The following GHR variants were observed in gnomAD, a reference collection of about 807,000 sequenced individuals.
The protein encoded by GHR is GH receptor.
GHR carries 35 observed loss-of-function variants against 67.1 expected under a neutral mutation model. That is an observed-to-expected ratio of 0.52 (90% confidence interval 0.40 to 0.69). GHR has a LOEUF of 0.69. Among genes scored for constraint, GHR ranks in the 30% least tolerant of loss-of-function variants. The pLI, the probability that GHR is intolerant of heterozygous loss-of-function variation, is 0.00. For synonymous variants in GHR, 272 were observed against 269.1 expected (o/e 1.01, Z -0.10); for missense variants, 792 against 764.6 (o/e 1.04, Z -0.42).
At chr5:42,541,664 G>A (rs1561108397) in intron 1 of GHR, among the ~76,000 whole-genome samples, 1 of 152,150 alleles carries the variant, frequency 6.6e-6, no homozygotes, top group African/African-American at 2.4e-5. Context: ...TTAAGAAACT[G>A]TTATAATAAT....
intron 2 of GHR, among the ~76,000 whole-genome samples, chr5:42,579,604 A>G (rs745476770): frequency 6.6e-6 from 1 of 152,228 alleles, no homozygotes; most frequent in East Asian, 1.9e-4. Context: ...CCATGAATGC[A>G]TGGTCATATT....
intron 2 of GHR, among the ~76,000 whole-genome samples, chr5:42,596,304 T>A (rs1304321528): frequency 6.0e-5 from 9 of 149,718 alleles, no homozygotes; most frequent in African/African-American, 2.2e-4. Flanking sequence ...CCAAAGGAGA[T>A]GGAAAAAAAA....
intron 2 of GHR, among the ~76,000 whole-genome samples, chr5:42,582,704 G>A (rs1223196198): frequency 1.3e-5 from 2 of 152,222 alleles, no homozygotes; most frequent in Admixed American, 6.5e-5. Context: ...GCCCAGACCT[G>A]TGTGACACCC....
Position 42,719,499 on chromosome 5 carries a change from C to A in GHR, c.*75C>A. The A allele has an allele frequency of 7.0e-7, 1 of 1,437,784 alleles. No individual in the cohort carries two copies. The highest frequency in any genetic ancestry group is 9.7e-7 in the Non-Finnish European group (1 of 1,031,472). 89.1% of individuals were successfully genotyped at this position (1,437,784 alleles called of 1,614,324 possible). A position where few individuals can be genotyped will look rare whatever the true frequency, so the allele number is the denominator to read the frequency against. ...TGGGGCAATAACGTTTAAGCCAAAA[C>A]AATGTTTAAACCTTTTTTGGGGGAG... On this transcript the variant is annotated 3_prime_UTR_variant, in exon 10 of 10. Coordinates refer to ENST00000230882, the MANE Select transcript of GHR (RefSeq NM_000163.5).
At chr5:42,685,334 A>G (rs1757086610) in intron 3 of GHR, among the ~76,000 whole-genome samples, 1 of 152,170 alleles carries the variant, frequency 6.6e-6, no homozygotes, top group African/African-American at 2.4e-5. Flanking sequence ...TTCTTTAACC[A>G]GTCTATCACT....
chr5:42,716,396 T>C (rs137873029), intron 8 of GHR, among the ~76,000 whole-genome samples: 1 of 152,308 alleles, frequency 6.6e-6, no homozygotes, highest in Non-Finnish European at 1.5e-5. Context: ...ACTTATTTCA[T>C]AGAGTTAGAG....
intron 3 of GHR, among the ~76,000 whole-genome samples, chr5:42,629,898 TG>T (rs1419316007): frequency 7.6e-6 from 1 of 132,168 alleles, no homozygotes; most frequent in African/African-American, 3.2e-5. Context: ...CCAACCAAAT[TG>T]CCTTAAGCTT....
rs186053420 is a variant in GHR, at chr5:42,482,669, G to A, written c.-12+58714G>A. Among the ~76,000 whole-genome samples the A allele has an allele frequency of 4.7e-3, 710 of 152,292 alleles. 6 individuals carry two copies. The highest frequency in any genetic ancestry group is 0.013 in the African/African-American group (526 of 41,586). On this transcript the variant is annotated intron_variant, in intron 1 of 9. Transcript: ENST00000230882. ...AATGAGCGAGACTCCATGGGCATAGGACCCTCCGAGCCAGGTGCGGGATAT... is the reference window on the plus strand; with the variant it reads ...AATGAGCGAGACTCCATGGGCATAGAACCCTCCGAGCCAGGTGCGGGATAT...
chr5:42,614,107 C>A (rs1753020163), intron 2 of GHR, among the ~76,000 whole-genome samples: 1 of 152,250 alleles, frequency 6.6e-6, no homozygotes, highest in African/African-American at 2.4e-5. Flanking sequence ...CCTCCATACA[C>A]AATTTAGTAA....
chr5:42,483,783 G>A (rs887512551), intron 1 of GHR, among the ~76,000 whole-genome samples: 1 of 152,198 alleles, frequency 6.6e-6, no homozygotes, highest in Non-Finnish European at 1.5e-5. Flanking sequence ...AAGGGTAACT[G>A]TATGGTCAAT....
intron 3 of GHR, among the ~76,000 whole-genome samples, chr5:42,688,237 T>A (rs901317279): frequency 5.9e-5 from 9 of 152,240 alleles, no homozygotes; most frequent in African/African-American, 2.2e-4. Flanking sequence ...CAACTGTCTA[T>A]GGTGTCCATT....
intron 3 of GHR, among the ~76,000 whole-genome samples, chr5:42,688,297 AC>A (rs1561229039): frequency 6.6e-6 from 1 of 152,180 alleles, no homozygotes; most frequent in Non-Finnish European, 1.5e-5. Context: ...CTCGGCAAAG[AC>A]CCTCAGCTCA....
intron 1 of GHR, among the ~76,000 whole-genome samples, chr5:42,555,269 T>A (rs1358785886): frequency 1.3e-5 from 2 of 152,144 alleles, no homozygotes; most frequent in East Asian, 1.9e-4. Context: ...AAATATTACA[T>A]CCCTTGAGCA....
At chr5:42,527,081 A>G (rs1398332433) in intron 1 of GHR, among the ~76,000 whole-genome samples, 3 of 152,220 alleles carry the variant, frequency 2.0e-5, no homozygotes, top group Admixed American at 1.3e-4. Flanking sequence ...TGAAAGGAGC[A>G]CTAAATATAG....
intron 2 of GHR, among the ~76,000 whole-genome samples, chr5:42,611,675 G>A (rs1251889887): frequency 6.6e-6 from 1 of 152,148 alleles, no homozygotes; most frequent in East Asian, 1.9e-4. Context: ...AACAAAGAGG[G>A]TTCCCTGACA....
chr5:42,527,926 T>A (rs573393668), intron 1 of GHR, among the ~76,000 whole-genome samples: 43 of 152,266 alleles, frequency 2.8e-4, no homozygotes, highest in African/African-American at 9.9e-4. Context: ...ACACAATACA[T>A]GTGTAATAGT....
chr5:42,431,478 T>TCA (rs1743092393), intron 1 of GHR, among the ~76,000 whole-genome samples: 1 of 152,214 alleles, frequency 6.6e-6, no homozygotes, highest in African/African-American at 2.4e-5. Flanking sequence ...TACTTAGTAA[T>TCA]GATTCATAAG....
At chr5:42,687,537 G>A (rs888586990) in intron 3 of GHR, among the ~76,000 whole-genome samples, 1 of 152,112 alleles carries the variant, frequency 6.6e-6, no homozygotes, top group African/African-American at 2.4e-5. Context: ...TACAAAATTT[G>A]CGTTTAATAA....
intron 6 of GHR, among the ~76,000 whole-genome samples, chr5:42,702,066 A>G (rs1411423971): frequency 5.9e-5 from 9 of 152,172 alleles, no homozygotes; most frequent in African/African-American, 2.4e-5. Context: ...TGTGTTGAGA[A>G]CACTTAAAAT....
Sources: gnomAD v4.1 joint callset for allele counts (sites outside exome capture counted in the v4.1 genomes callset) on GRCh38, gnomAD v4.1.1 for gene constraint, MANE v1.5 for transcripts, NCBI Gene and HGNC (gene_info 2026-07-23, HGNC 2026-07-21) for gene names.